The following SLC49A4 variants were observed in gnomAD, a reference collection of about 807,000 sequenced individuals.
SLC49A4 encodes solute carrier family 49 member 4, also known as disrupted in renal cancer protein 2.
SLC49A4 carries 36 observed loss-of-function variants against 50.6 expected under a neutral mutation model. That is an observed-to-expected ratio of 0.71 (90% confidence interval 0.55 to 0.94). The LOEUF (loss-of-function observed/expected upper bound fraction) is 0.94, where lower values mean the gene tolerates loss of function less well. Among genes scored for constraint, SLC49A4 ranks in the 40% least tolerant of loss-of-function variants. The pLI, the probability that SLC49A4 is intolerant of heterozygous loss-of-function variation, is 0.00. For synonymous variants in SLC49A4, 248 were observed against 241.2 expected (o/e 1.03, Z -0.26); for missense variants, 503 against 605.7 (o/e 0.83, Z 1.78).
rs1357928050 is a variant in SLC49A4 at position 122,880,198 on chromosome 3, T to C, written c.*820T>C. The C allele has an allele frequency of 6.6e-6, 1 of 152,248 alleles. No individual in the cohort carries two copies. Among genetic ancestry groups the C allele is most frequent in the African/African-American group, 2.4e-5 (1 of 41,462 alleles). The allele number at this position is 152,248 out of a possible 1,614,324, so 9.4% of individuals were successfully genotyped here. On this transcript the variant is annotated 3_prime_UTR_variant, in exon 9 of 9. Transcript: ENST00000261038. ...ACATGGACATACTGTGTCTTCTGCC[T>C]GTATATGGTGGCATGAGATGTAATG...
intron 4 of SLC49A4, among the ~76,000 whole-genome samples, chr3:122,834,070 CT>C (rs1369374786): frequency 6.6e-5 from 10 of 152,130 alleles, no homozygotes; most frequent in African/African-American, 2.4e-4. Context: ...TAAAATACCA[CT>C]ATTGATTATG....
chr3:122,819,981 A>G (rs1324393745), intron 2 of SLC49A4, among the ~76,000 whole-genome samples: 1 of 152,184 alleles, frequency 6.6e-6, no homozygotes, highest in Non-Finnish European at 1.5e-5. Flanking sequence ...TTAAAAATAT[A>G]TAGAATTTAA....
intron 5 of SLC49A4, among the ~76,000 whole-genome samples, chr3:122,849,543 T>C (rs899981502): frequency 5.9e-5 from 9 of 152,220 alleles, no homozygotes; most frequent in Non-Finnish European, 2.9e-5. Flanking sequence ...ATGCTATTCA[T>C]TGTAGTTTTG....
chr3:122,804,050 A>G (rs987000808), intron 1 of SLC49A4, among the ~76,000 whole-genome samples: 4 of 152,284 alleles, frequency 2.6e-5, no homozygotes, highest in African/African-American at 9.6e-5. Context: ...AGGCTGGGTA[A>G]TGTGTAAAGA....
In SLC49A4 at chr3:122,853,620, C is replaced by T. The variant is rs150305600; in HGVS notation, c.943-2687C>T. Among the ~76,000 whole-genome samples the T allele has an allele frequency of 7.8e-3, 1,181 of 152,118 alleles. 9 individuals are homozygous for T. Among genetic ancestry groups the T allele is most frequent in the Non-Finnish European group, 0.012 (825 of 67,998 alleles). ...CCAAAAATACAAAAAATTAGCTGGG[C>T]GCGGTAGCACACGCCTGTAATCCCA... On this transcript the variant is annotated intron_variant, in intron 5 of 8. Coordinates refer to ENST00000261038, the MANE Select transcript of SLC49A4 (RefSeq NM_032839.3).
chr3:122,832,766 A>G (rs1324996980), intron 3 of SLC49A4, among the ~76,000 whole-genome samples: 1 of 152,300 alleles, frequency 6.6e-6, no homozygotes, highest in South Asian at 2.1e-4. Flanking sequence ...CAGCATATAC[A>G]TCATTGTTAG....
chr3:122,864,514 CTGTT>C, intron 7 of SLC49A4, among the ~76,000 whole-genome samples: 1 of 152,214 alleles, frequency 6.6e-6, no homozygotes, highest in African/African-American at 2.4e-5. Flanking sequence ...TATAATTTGA[CTGTT>C]TGACAGAAGT....
At position 122,795,116 on chromosome 3, in the gene SLC49A4, C is replaced by T; in HGVS notation, c.-77C>T. 3.2e-6 allele frequency: 4 copies of T among 1,251,932 alleles called. No individual in the cohort carries two copies. The highest frequency in any genetic ancestry group is 1.6e-5 in the African/African-American group (1 of 64,176). The allele number at this position is 1,251,932 out of a possible 1,614,324, so 77.6% of individuals were successfully genotyped here. A position where few individuals can be genotyped will look rare whatever the true frequency, so the allele number is the denominator to read the frequency against. On this transcript the variant is annotated 5_prime_UTR_variant, in exon 1 of 9. Transcript: ENST00000261038. ...ACAGCAGCCTCCGCCTCCTGCTGCT[C>T]AGGACTATTCTGCGCTGGGCTAGTC... is the stretch of plus-strand genomic sequence containing the variant.
chr3:122,836,761 G>A lies in SLC49A4; in HGVS notation c.833+3315G>A, dbSNP rs182905778. Among the ~76,000 whole-genome samples, 286 of 152,262 alleles carry A rather than the reference G, an allele frequency of 1.9e-3. 4 individuals are homozygous for A. The highest frequency in any genetic ancestry group is 7.7e-4 in the East Asian group (4 of 5,176). ...TAAAGGGTATTCAATTAGGAAAAGA[G>A]GAAGTCAAATTGTGCCTGTTTGCAG... is the stretch of plus-strand genomic sequence containing the variant. On this transcript the variant is annotated intron_variant, in intron 4 of 8. Coordinates refer to ENST00000261038, the MANE Select transcript of SLC49A4 (RefSeq NM_032839.3).
At position 122,833,451 on chromosome 3, in the gene SLC49A4, A is replaced by T. The variant is rs750604317; in HGVS notation, c.833+5A>T. 6.2e-7 allele frequency: 1 copy of T among 1,611,800 alleles called. No individual in the cohort carries two copies. Among genetic ancestry groups the T allele is most frequent in the South Asian group, 1.1e-5 (1 of 90,854 alleles). ...AAGCGTTTGTAGATTATTAAGGTAAATATACTGAGAGTCACTGGATGGCTT... is the reference window on the plus strand; with the variant it reads ...AAGCGTTTGTAGATTATTAAGGTAATTATACTGAGAGTCACTGGATGGCTT... On this transcript the variant is annotated splice_donor_5th_base_variant and intron_variant, in intron 4 of 8. Transcript: ENST00000261038.
chr3:122,796,964 G>A (rs1346692492), intron 1 of SLC49A4, among the ~76,000 whole-genome samples: 1 of 152,228 alleles, frequency 6.6e-6, no homozygotes, highest in Non-Finnish European at 1.5e-5. Context: ...GGTAGGTATA[G>A]AATTGCAATT....
chr3:122,839,243 C>A (rs1936734634), intron 4 of SLC49A4, among the ~76,000 whole-genome samples: 1 of 152,094 alleles, frequency 6.6e-6, no homozygotes, highest in South Asian at 2.1e-4. Context: ...AAAATAAACT[C>A]AAGATGCATC....
At chr3:122,834,293 G>A (rs894395029) in intron 4 of SLC49A4, among the ~76,000 whole-genome samples, 1 of 152,090 alleles carries the variant, frequency 6.6e-6, no homozygotes, top group Non-Finnish European at 1.5e-5. Flanking sequence ...TAAAATGCAA[G>A]CCACATAAGT....
At chr3:122,874,704 A>G (rs1937240901) in intron 8 of SLC49A4, among the ~76,000 whole-genome samples, 1 of 152,242 alleles carries the variant, frequency 6.6e-6, no homozygotes, top group South Asian at 2.1e-4. Context: ...CCCATCACCC[A>G]GGTAGTGAGC....
chr3:122,869,113 A>G (rs2107582879), intron 7 of SLC49A4, among the ~76,000 whole-genome samples: 1 of 152,298 alleles, frequency 6.6e-6, no homozygotes, highest in Admixed American at 6.5e-5. Context: ...ATTTGTTCAT[A>G]ATGAAATTTC....
chr3:122,865,408 A>G (rs1487856954), intron 7 of SLC49A4, among the ~76,000 whole-genome samples: 2 of 152,214 alleles, frequency 1.3e-5, no homozygotes, highest in African/African-American at 2.4e-5. Flanking sequence ...TTGGAACCAC[A>G]GTTGCATATA....
intron 5 of SLC49A4, among the ~76,000 whole-genome samples, chr3:122,852,390 A>C (rs1029094638): frequency 6.6e-6 from 1 of 152,186 alleles, no homozygotes; most frequent in Non-Finnish European, 1.5e-5. Context: ...TTTGTATCTC[A>C]TAATTCCATT....
intron 2 of SLC49A4, among the ~76,000 whole-genome samples, chr3:122,825,149 T>G (rs1323948911): frequency 2.0e-5 from 3 of 152,198 alleles, no homozygotes; most frequent in Non-Finnish European, 4.4e-5. Context: ...TTCCAAGCCT[T>G]CTAGTTGACA....
At chr3:122,814,394 T>C (rs1936337189) in intron 2 of SLC49A4, among the ~76,000 whole-genome samples, 1 of 152,208 alleles carries the variant, frequency 6.6e-6, no homozygotes, top group East Asian at 1.9e-4. Context: ...AAAATTAAAA[T>C]GCAAACTGGG....
Sources: gnomAD v4.1 joint callset for allele counts (sites outside exome capture counted in the v4.1 genomes callset) on GRCh38, gnomAD v4.1.1 for gene constraint, MANE v1.5 for transcripts, NCBI Gene and HGNC (gene_info 2026-07-23, HGNC 2026-07-21) for gene names.